NEMP2: variants seen among roughly 807,000 people sequenced by gnomAD.
The protein encoded by NEMP2 is nuclear envelope integral membrane protein 2, also known as UPF0571 transmembrane protein.
NEMP2 carries 53 observed loss-of-function variants against 54.2 expected under a neutral mutation model. The observed-to-expected ratio is 0.98, with a 90% confidence interval of 0.78 to 1.23. The LOEUF (loss-of-function observed/expected upper bound fraction) is 1.23, where lower values mean the gene tolerates loss of function less well. Ranked by LOEUF, NEMP2 falls within the 50% of genes most tolerant of loss-of-function variation. The pLI is 0.00. For missense variants in NEMP2, 455 were observed against 511.3 expected, an observed-to-expected ratio of 0.89 and a Z score of 1.06; for synonymous variants, 197 against 190.3, an observed-to-expected ratio of 1.04 and a Z score of -0.29.
chr2:190,617,590 TATTTA>T, the NEMP2 span, among the ~76,000 whole-genome samples: 1 of 152,232 alleles, frequency 6.6e-6, no homozygotes, highest in African/African-American at 2.4e-5. This position sits in a 1 kb window ranked among gnomAD's most constrained non-coding sequence, Gnocchi z 5.0. Context: ...ATTTGACCCC[TATTTA>T]ATTTGAGTGT....
At chr2:190,460,806 A>G in the NEMP2 span, among the ~76,000 whole-genome samples, 1 of 152,208 alleles carries the variant, frequency 6.6e-6, no homozygotes, top group African/African-American at 2.4e-5. Flanking sequence ...CATCCCTGCG[A>G]GTGGGAGGAC....
the NEMP2 span, among the ~76,000 whole-genome samples, chr2:190,585,904 T>C: frequency 6.6e-6 from 1 of 152,148 alleles, no homozygotes; most frequent in African/African-American, 2.4e-5. This position sits in a 1 kb window ranked among gnomAD's most constrained non-coding sequence, Gnocchi z 5.3. Flanking sequence ...ATGGATTCCA[T>C]TTGTAGAGCT....
At chr2:190,423,177 T>G in the NEMP2 span, among the ~76,000 whole-genome samples, 1 of 152,210 alleles carries the variant, frequency 6.6e-6, no homozygotes, top group Non-Finnish European at 1.5e-5. The surrounding 1 kb of genome is among the most constrained non-coding windows in gnomAD (Gnocchi z 4.3). Flanking sequence ...CTTGCAAAAC[T>G]ATAGCATAAT....
the NEMP2 span, among the ~76,000 whole-genome samples, chr2:190,479,244 G>T: frequency 1.3e-5 from 2 of 152,186 alleles, no homozygotes. Flanking sequence ...CTCATGTTCA[G>T]TAAGTATTCT....
the NEMP2 span, among the ~76,000 whole-genome samples, chr2:190,605,135 C>T: frequency 6.6e-6 from 1 of 152,240 alleles, no homozygotes; most frequent in Non-Finnish European, 1.5e-5. Context: ...CTCACTGAAA[C>T]CCCCATGTTG....
chr2:190,629,325 A>C, the NEMP2 span, among the ~76,000 whole-genome samples: 2 of 152,200 alleles, frequency 1.3e-5, no homozygotes, highest in African/African-American at 4.8e-5. Context: ...TAGATGTCAA[A>C]AATTTTTTGC....
the NEMP2 span, among the ~76,000 whole-genome samples, chr2:190,488,082 T>C: frequency 6.6e-6 from 1 of 152,252 alleles, no homozygotes; most frequent in Non-Finnish European, 1.5e-5. The surrounding 1 kb of genome is among the most constrained non-coding windows in gnomAD (Gnocchi z 6.4). Flanking sequence ...TTTTGTATTT[T>C]AGTAGAGACA....
downstream of NEMP2, among the ~76,000 whole-genome samples, chr2:190,502,497 T>C (rs141510987): frequency 3.3e-5 from 5 of 152,104 alleles, no homozygotes; most frequent in East Asian, 3.9e-4. The surrounding 1 kb of genome is among the most constrained non-coding windows in gnomAD (Gnocchi z 4.4). Context: ...CTGCTAATTA[T>C]TGAACTATTC....
the NEMP2 span, among the ~76,000 whole-genome samples, chr2:190,427,306 T>C: frequency 6.6e-6 from 1 of 152,224 alleles, no homozygotes; most frequent in Non-Finnish European, 1.5e-5. Context: ...TTCCCCATTA[T>C]AGCTTGGTGA....
the NEMP2 span, among the ~76,000 whole-genome samples, chr2:190,556,985 C>A: frequency 1.9e-4 from 29 of 152,178 alleles, no homozygotes; most frequent in African/African-American, 6.5e-4. Flanking sequence ...CTTTAAATTT[C>A]ATATGGAACC....
chr2:190,551,697 A>G, the NEMP2 span, among the ~76,000 whole-genome samples: 2 of 152,090 alleles, frequency 1.3e-5, no homozygotes, highest in South Asian at 4.1e-4. Context: ...AATAAGTGCA[A>G]GAGATTTCGC....
At chr2:190,455,934 CTTTTTTT>C in the NEMP2 span, among the ~76,000 whole-genome samples, 7 of 65,370 alleles carry the variant, frequency 1.1e-4, no homozygotes, top group Admixed American at 2.7e-4. Context: ...ATTTACTCTG[CTTTTTTT>C]TTTTTTTTTT....
chr2:190,611,190 TCATAA>T, the NEMP2 span, among the ~76,000 whole-genome samples: 1 of 152,234 alleles, frequency 6.6e-6, no homozygotes, highest in African/African-American at 2.4e-5. The surrounding 1 kb of genome is among the most constrained non-coding windows in gnomAD (Gnocchi z 5.4). Context: ...TAATTATTAC[TCATAA>T]CATACACTAA....
In NEMP2 at chr2:190,522,523, C is replaced by T. The variant is rs564977409; in HGVS notation, c.213+2740G>A. Among the ~76,000 whole-genome samples, 77 of 152,140 alleles carry T rather than the reference C, an allele frequency of 5.1e-4. No individual in the cohort carries two copies. Among genetic ancestry groups the T allele is most frequent in the African/African-American group, 1.8e-3 (74 of 41,492 alleles). On this transcript the variant is annotated intron_variant, in intron 2 of 8. Coordinates refer to ENST00000409150, the MANE Select transcript of NEMP2 (RefSeq NM_001142645.2). This position sits in a 1 kb window ranked among gnomAD's most constrained non-coding sequence, Gnocchi z 5.0. ...ACCCCGCCAACTATCTGAATGAAAC[C>T]CTGTTCTCGGCCAGGGCACTCCAAA...
chr2:190,638,382 G>C, the NEMP2 span, among the ~76,000 whole-genome samples: 27 of 152,168 alleles, frequency 1.8e-4, no homozygotes, highest in African/African-American at 6.3e-4. This position sits in a 1 kb window ranked among gnomAD's most constrained non-coding sequence, Gnocchi z 5.7. Flanking sequence ...ATGTGAGTGG[G>C]AGTGGAAGGC....
intron 1 of NEMP2, 112 bp downstream of exon 1, chr2:190,534,447 G>A (rs1280738234): frequency 5.7e-6 from 7 of 1,230,430 alleles, no homozygotes; most frequent in Non-Finnish European, 7.1e-6. Context: ...GGGAGCGCCC[G>A]CCCCAGTGGG....
At chr2:190,644,711 G>A in the NEMP2 span, among the ~76,000 whole-genome samples, 6 of 152,066 alleles carry the variant, frequency 3.9e-5, no homozygotes, top group South Asian at 2.1e-4. The surrounding 1 kb of genome is among the most constrained non-coding windows in gnomAD (Gnocchi z 4.4). Flanking sequence ...TCATGGACAC[G>A]AAGAAGGAAA....
In NEMP2 at chr2:190,509,317, C is replaced by T. The variant is rs13429315; in HGVS notation, c.1131-5G>A. ...CCAAGAACAAAGTCTGCAAATCTAA[C>T]AAGTTTTTTGTTTTAAATAAAGTTA... is the stretch of plus-strand genomic sequence containing the variant. On this transcript the variant is annotated splice_polypyrimidine_tract_variant and splice_region_variant and intron_variant, in intron 8 of 8. Transcript: ENST00000409150. The surrounding 1 kb of genome is among the most constrained non-coding windows in gnomAD (Gnocchi z 6.1). The T allele has an allele frequency of 0.18, 280,840 of 1,550,384 alleles. 26,035 individuals are homozygous for T. Among genetic ancestry groups the T allele is most frequent in the Middle Eastern group, 0.26 (1,559 of 5,986 alleles).
At chr2:190,497,482 C>T in the NEMP2 span, 190 of 1,614,024 alleles carry the variant, frequency 1.2e-4, no homozygotes, top group Non-Finnish European at 1.5e-4. This position sits in a 1 kb window ranked among gnomAD's most constrained non-coding sequence, Gnocchi z 5.2. Context: ...CCTCCAGTCC[C>T]GTTCCTATAG....
Sources: allele counts gnomAD v4.1 joint callset (sites outside exome capture counted in the v4.1 genomes callset), GRCh38; gene constraint gnomAD v4.1.1; non-coding constraint Gnocchi (gnomAD v3.1); transcripts MANE v1.5; gene names NCBI Gene and HGNC (gene_info 2026-07-23, HGNC 2026-07-21).